The following GAS6 variants were observed in gnomAD, a reference collection of about 807,000 sequenced individuals.
The protein encoded by GAS6 is growth arrest specific 6.
Under a neutral mutation model 75.8 loss-of-function variants are expected in GAS6, and 41 were observed. That is an observed-to-expected ratio of 0.54 (90% CI 0.42 to 0.70). The LOEUF (loss-of-function observed/expected upper bound fraction) is 0.70. Ranked by LOEUF, GAS6 falls within the 30% of genes least tolerant of loss-of-function variation. The probability of loss-of-function intolerance (pLI) is 0.00; values close to 1 mark genes in which losing one functional copy is unlikely to be tolerated. For missense variants in GAS6, 854 were observed against 940.2 expected, an observed-to-expected ratio of 0.91 and a Z score of 1.20; for synonymous variants, 432 against 412.6, an observed-to-expected ratio of 1.05 and a Z score of -0.57.
intron 4 of GAS6, chr13:113,842,500 G>T (rs1031199993): frequency 2.0e-5 from 8 of 396,084 alleles, no homozygotes; most frequent in Non-Finnish European, 3.5e-5. Context: ...GGCTGTACCT[G>T]GGTGCTGTGT....
chr13:113,843,150 T>G, intron 4 of GAS6: 10 of 283,026 alleles, frequency 3.5e-5, no homozygotes, highest in East Asian at 5.5e-5. Context: ...GGGCACCCAC[T>G]TCCCTGACCC....
chr13:113,856,275 G>A (rs1007772116), intron 2 of GAS6, among the ~76,000 whole-genome samples: 2 of 152,208 alleles, frequency 1.3e-5, no homozygotes, highest in Non-Finnish European at 2.9e-5. Flanking sequence ...GGAGCACACA[G>A]TGGGGCCGGG....
At chr13:113,831,210 C>T (rs868364922) in intron 10 of GAS6, among the ~76,000 whole-genome samples, 1 of 152,208 alleles carries the variant, frequency 6.6e-6, no homozygotes, top group African/African-American at 2.4e-5. Context: ...GACCAGGACC[C>T]CTCAGGTTGC....
chr13:113,822,860 C>G (rs1221919404), intron 13 of GAS6: 1 of 153,754 alleles, frequency 6.5e-6, no homozygotes, highest in African/African-American at 2.4e-5. Context: ...GTGGGGAAAA[C>G]AGCATGAGTC....
chr13:113,849,393 C>A (rs2051857287), intron 2 of GAS6, among the ~76,000 whole-genome samples: 1 of 152,102 alleles, frequency 6.6e-6, no homozygotes, highest in Non-Finnish European at 1.5e-5. Context: ...CCAAGTGAGC[C>A]CTGGTGGAGT....
In GAS6 at chr13:113,848,018, A is replaced by T; in HGVS notation, c.280+8T>A. 2 of 1,612,518 alleles carry T rather than the reference A, an allele frequency of 1.2e-6. No individual in the cohort carries two copies. Among genetic ancestry groups the T allele is most frequent in the Non-Finnish European group, 1.7e-6 (2 of 1,179,190 alleles). Reference sequence around the variant, plus strand: ...GACAACCAGAGTAGAGAAGTAATTGAGACTTACCTAAGTATCTTGGGTAAA... The same window carrying T: ...GACAACCAGAGTAGAGAAGTAATTGTGACTTACCTAAGTATCTTGGGTAAA... On this transcript the variant is annotated splice_region_variant and intron_variant, in intron 3 of 14. Transcript: ENST00000327773. The surrounding 1 kb of genome is among the most constrained non-coding windows in gnomAD (Gnocchi z 4.8).
intron 7 of GAS6, 151 bp from the exon 8 acceptor site, chr13:113,834,823 C>A: frequency 1.2e-6 from 1 of 801,282 alleles, no homozygotes; most frequent in African/African-American, 1.8e-5. Flanking sequence ...TCGCGTCCCC[C>A]CCCACTGGAA....
At chr13:113,838,269 G>T in intron 5 of GAS6, 78 bp from the exon 6 acceptor site, 1 of 1,562,048 alleles carries the variant, frequency 6.4e-7, no homozygotes, top group Non-Finnish European at 8.7e-7. Flanking sequence ...TCCCAGAGGT[G>T]CACAGCCCAG....
intron 6 of GAS6, among the ~76,000 whole-genome samples, chr13:113,836,906 G>A (rs1409069797): frequency 6.2e-5 from 8 of 128,346 alleles, no homozygotes; most frequent in Admixed American, 1.5e-4. Context: ...AAGGAGGAGG[G>A]GGAATGGTGG....
chr13:113,846,562 T>C lies in GAS6; in HGVS notation c.308A>G (p.Tyr103Cys). ...LDCINKYGSP[Y>C]TKNSGFATCV... ...GGTGGCGAAGCCTGAGTTTTTGGTG[T>C]ACGGAGACCCATACTTGTTGATGCA... is the stretch of plus-strand genomic sequence containing the variant. The change falls in exon 4 of 15, where the codon TAC becomes TGC. Residue 103 changes from tyrosine (Y) to cysteine (C), a missense_variant. Tyr to Cys is a radical substitution (Grantham distance 194). Transcript: ENST00000327773. 3.1e-6 allele frequency: 5 copies of C among 1,614,018 alleles called. No individual in the cohort carries two copies. Among genetic ancestry groups the C allele is most frequent in the Non-Finnish European group, 4.2e-6 (5 of 1,179,996 alleles).
chr13:113,833,148 G>A, intron 8 of GAS6: 1 of 1,148,760 alleles, frequency 8.7e-7, no homozygotes, highest in Non-Finnish European at 1.1e-6. Context: ...TCTGGGCTGT[G>A]GTTTCTCCAC....
At position 113,833,610 on chromosome 13, in the gene GAS6, C is replaced by T. The variant is rs188132290; in HGVS notation, c.835-858G>A. ...TGTGACAGGTCGGTGTGACAGGCAC[C>T]GGTGTGACAGGTCGGTGTGACAGGC... On this transcript the variant is annotated intron_variant, in intron 8 of 14. Coordinates refer to ENST00000327773, the MANE Select transcript of GAS6 (RefSeq NM_000820.4). 80 of 1,003,058 alleles carry T rather than the reference C, an allele frequency of 8.0e-5. 1 individual carries two copies. The East Asian group carries it at 3.7e-3, about 46-fold the overall frequency. 62.1% of individuals were successfully genotyped at this position (1,003,058 alleles called of 1,614,324 possible). A position where few individuals can be genotyped will look rare whatever the true frequency, so the allele number is the denominator to read the frequency against.
At chr13:113,859,470 G>A (rs543468952) in intron 2 of GAS6, among the ~76,000 whole-genome samples, 1 of 152,170 alleles carries the variant, frequency 6.6e-6, no homozygotes, top group East Asian at 1.9e-4. Context: ...ATGTCTATGT[G>A]AATGTGTGCA....
At chr13:113,833,320 C>G in intron 8 of GAS6, 1 of 1,001,080 alleles carries the variant, frequency 1.0e-6, no homozygotes, top group Non-Finnish European at 1.2e-6. Context: ...CATGAGGCAG[C>G]GAGGCAAAGA....
At chr13:113,835,379 GAT>G (rs2051689106) in intron 7 of GAS6, 132 bp downstream of exon 7, 1 of 1,075,570 alleles carries the variant, frequency 9.3e-7, no homozygotes, top group African/African-American at 1.6e-5. Flanking sequence ...TTACCAGGCT[GAT>G]AGAAACAGGG....
At chr13:113,842,639 C>T (rs1337271941) in intron 4 of GAS6, 1 of 397,100 alleles carries the variant, frequency 2.5e-6, no homozygotes, top group Non-Finnish European at 4.4e-6. Flanking sequence ...GCTCTGGGGG[C>T]AGGAGGGAGT....
intron 3 of GAS6, 37 bp from the exon 4 acceptor site, chr13:113,846,626 A>C (rs751310244): frequency 2.6e-6 from 4 of 1,564,774 alleles, no homozygotes; most frequent in Non-Finnish European, 2.6e-6. Context: ...AGTCATCCTT[A>C]CAAGACCGGA....
chr13:113,863,888 G>A lies in GAS6; in HGVS notation c.33C>T (p.Ala11=). The change falls in exon 1 of 15, where the codon GCC becomes GCT. Residue 11 remains alanine (A), a synonymous_variant. Coordinates refer to ENST00000327773, the MANE Select transcript of GAS6 (RefSeq NM_000820.4). This position sits in a 1 kb window ranked among gnomAD's most constrained non-coding sequence, Gnocchi z 9.4. ...GCAGCAGCTGCGGCGCGCGGCGCAG[G>A]GCGGCGGGCCCGGGCGAGAGCGAAG... MAPSLSPGPA[A]LRRAPQLLLL... 1 of 1,199,632 alleles carries A rather than the reference G, an allele frequency of 8.3e-7. No individual in the cohort carries two copies. Among genetic ancestry groups the A allele is most frequent in the Non-Finnish European group, 1.0e-6 (1 of 969,714 alleles). The allele number at this position is 1,199,632 out of a possible 1,614,324, so 74.3% of individuals were successfully genotyped here.
chr13:113,856,727 G>T (rs1241277602), intron 2 of GAS6, among the ~76,000 whole-genome samples: 1 of 152,220 alleles, frequency 6.6e-6, no homozygotes, highest in African/African-American at 2.4e-5. Flanking sequence ...TCCAGGTGTG[G>T]TGGAGACAGT....
Sources: allele counts gnomAD v4.1 joint callset (sites outside exome capture counted in the v4.1 genomes callset), GRCh38; gene constraint gnomAD v4.1.1; non-coding constraint Gnocchi (gnomAD v3.1); transcripts MANE v1.5; gene names NCBI Gene and HGNC (gene_info 2026-07-23, HGNC 2026-07-21).